Variants in UBP1 observed in about 807,000 individuals in gnomAD.
UBP1 encodes upstream-binding protein 1.
Under a neutral mutation model 76.1 loss-of-function variants are expected in UBP1, and 22 were observed. The observed-to-expected ratio is 0.29, with a 90% CI of 0.21 to 0.41. UBP1 has a LOEUF of 0.41. Among genes scored for constraint, UBP1 ranks in the 10% least tolerant of loss-of-function variants. The pLI is 1.00. For synonymous variants in UBP1, 224 were observed against 237.1 expected, an observed-to-expected ratio of 0.94 and a Z score of 0.51; for missense variants, 436 against 668.1, an observed-to-expected ratio of 0.65 and a Z score of 3.83.
Position 33,439,930 on chromosome 3 carries a change from G to C in UBP1, c.-82C>G, listed in dbSNP as rs1356832065. 19 of 1,489,112 alleles carry C rather than the reference G, an allele frequency of 1.3e-5. No homozygotes were observed. Among genetic ancestry groups the C allele is most frequent in the Non-Finnish European group, 1.7e-5 (18 of 1,090,200 alleles). The allele number at this position is 1,489,112 out of a possible 1,614,324, so 92.2% of individuals were successfully genotyped here. A position where few individuals can be genotyped will look rare whatever the true frequency, so the allele number is the denominator to read the frequency against. ...CCGGAGCTCCGCTGGCGCGTCCTGGGGGAGGGCGCGGGTGAAGCCTCCGGA... is the reference window on the plus strand; with the variant it reads ...CCGGAGCTCCGCTGGCGCGTCCTGGCGGAGGGCGCGGGTGAAGCCTCCGGA... On this transcript the variant is annotated 5_prime_UTR_variant, in exon 1 of 16. Transcript: ENST00000283629.
rs548191760 is a variant in UBP1, at chr3:33,440,302, C to T, written c.-454G>A. ...CCTTGACTCCTTGCCCCCGGCCCGC[C>T]CAGGCTCTAGCGCCACACCGCCCCG... On this transcript the variant is annotated 5_prime_UTR_variant, in exon 1 of 16. Coordinates refer to ENST00000283629, the MANE Select transcript of UBP1 (RefSeq NM_014517.5). 2.8e-3 allele frequency: 432 copies of T among 153,754 alleles called. 1 individual carries two copies. Among genetic ancestry groups the T allele is most frequent in the Middle Eastern group, 6.7e-3 (2 of 300 alleles). 9.5% of individuals were successfully genotyped at this position (153,754 alleles called of 1,614,324 possible). A position where few individuals can be genotyped will look rare whatever the true frequency, so the allele number is the denominator to read the frequency against.
At chr3:33,438,838 A>G (rs1283902121) in intron 1 of UBP1, among the ~76,000 whole-genome samples, 2 of 152,244 alleles carry the variant, frequency 1.3e-5, no homozygotes, top group Admixed American at 6.5e-5. Flanking sequence ...GGGAAACTGT[A>G]GAGCACTTCC....
At chr3:33,428,469 C>CT (rs200930631) in intron 1 of UBP1, among the ~76,000 whole-genome samples, 47 of 123,192 alleles carry the variant, frequency 3.8e-4, no homozygotes, top group African/African-American at 1.3e-3. Flanking sequence ...ATGAGAATGG[C>CT]TTTTTTTAAT....
intron 8 of UBP1, among the ~76,000 whole-genome samples, chr3:33,405,012 G>A (rs1447031760): frequency 6.6e-6 from 1 of 151,918 alleles, no homozygotes; most frequent in Non-Finnish European, 1.5e-5. Context: ...TGATAAATTG[G>A]TACTAATAAG....
chr3:33,432,605 T>C (rs1441946816), intron 1 of UBP1, among the ~76,000 whole-genome samples: 1 of 152,184 alleles, frequency 6.6e-6, no homozygotes, highest in Non-Finnish European at 1.5e-5. Context: ...CATTCACAAG[T>C]GTGTCTCATC....
chr3:33,409,727 A>G (rs1027093931), intron 5 of UBP1, 126 bp from the exon 6 acceptor site: 5 of 1,193,338 alleles, frequency 4.2e-6, no homozygotes, highest in Non-Finnish European at 5.9e-6. Flanking sequence ...CTCATCACAC[A>G]TATTAGCCAA....
intron 1 of UBP1, among the ~76,000 whole-genome samples, chr3:33,432,579 TTTCAAGGCTAAATAGCA>T (rs1202979852): frequency 1.3e-5 from 2 of 152,220 alleles, no homozygotes; most frequent in Non-Finnish European, 2.9e-5. Flanking sequence ...TAAGAGATCC[TTTCAAGGCTAAATAGCA>T]TTCACAAGTG....
chr3:33,436,919 A>G (rs2045213220), intron 1 of UBP1, among the ~76,000 whole-genome samples: 1 of 152,160 alleles, frequency 6.6e-6, no homozygotes, highest in Non-Finnish European at 1.5e-5. Context: ...GGAGTGGTCT[A>G]GACTCTAAAA....
At chr3:33,402,668 A>G (rs2044272685) in intron 9 of UBP1, 133 bp downstream of exon 9, 1 of 579,706 alleles carries the variant, frequency 1.7e-6, no homozygotes, top group South Asian at 3.9e-5. Context: ...TGCCACCAAG[A>G]TACAGGATAC....
At chr3:33,408,617 G>A in intron 8 of UBP1, 73 bp downstream of exon 8, 11 of 1,256,200 alleles carry the variant, frequency 8.8e-6, no homozygotes, top group Non-Finnish European at 1.2e-5. Context: ...TTACTTTGCG[G>A]TGGAAGTTGG....
In UBP1 at chr3:33,430,893, A is replaced by AT. The variant is rs2045101749; in HGVS notation, c.114-5153dup. 2.6e-5 allele frequency among the ~76,000 whole-genome samples: 4 copies of AT among 152,214 alleles called. No individual in the cohort carries two copies. The South Asian group carries it at 8.3e-4, about 32-fold the overall frequency. On this transcript the variant is annotated intron_variant, in intron 1 of 15. Coordinates refer to ENST00000283629, the MANE Select transcript of UBP1 (RefSeq NM_014517.5). Reference sequence around the variant, plus strand: ...CACTAAATCCCTCTCTGCTTGAGACATCTCACTGATTTCTATTTTCCTGAC... The same window carrying AT: ...CACTAAATCCCTCTCTGCTTGAGACATTCTCACTGATTTCTATTTTCCTGAC...
chr3:33,421,821 G>A (rs2044902257), intron 2 of UBP1, among the ~76,000 whole-genome samples: 1 of 152,154 alleles, frequency 6.6e-6, no homozygotes. Flanking sequence ...GGCCAAGGTG[G>A]GTGGATCACT....
At chr3:33,410,245 C>A (rs1368002817) in intron 5 of UBP1, among the ~76,000 whole-genome samples, 1 of 152,208 alleles carries the variant, frequency 6.6e-6, no homozygotes, top group African/African-American at 2.4e-5. Context: ...TGGATGACAG[C>A]CTTAGGGTTT....
chr3:33,426,680 G>T (rs1245358173), intron 1 of UBP1, among the ~76,000 whole-genome samples: 1 of 152,130 alleles, frequency 6.6e-6, no homozygotes, highest in African/African-American at 2.4e-5. Flanking sequence ...GGAATCATAT[G>T]ACTATGTGGT....
At chr3:33,436,233 G>C (rs1342833456) in intron 1 of UBP1, among the ~76,000 whole-genome samples, 1 of 152,108 alleles carries the variant, frequency 6.6e-6, no homozygotes, top group Non-Finnish European at 1.5e-5. Context: ...ATTAACAAAC[G>C]TATTACCTCA....
intron 8 of UBP1, 39 bp downstream of exon 8, chr3:33,408,651 G>A: frequency 6.4e-7 from 1 of 1,564,058 alleles, no homozygotes; most frequent in Middle Eastern, 1.7e-4. Flanking sequence ...ACTGCACAAG[G>A]TTTCTTGCAC....
At chr3:33,406,715 G>A (rs913057942) in intron 8 of UBP1, among the ~76,000 whole-genome samples, 6 of 152,178 alleles carry the variant, frequency 3.9e-5, no homozygotes, top group Non-Finnish European at 8.8e-5. Context: ...TCATAACGGC[G>A]CTAGCAATGC....
intron 2 of UBP1, among the ~76,000 whole-genome samples, chr3:33,421,205 C>G (rs1474673210): frequency 5.3e-5 from 8 of 151,520 alleles, no homozygotes; most frequent in Non-Finnish European, 1.0e-4. Flanking sequence ...TTTGGGACTA[C>G]AGTTTTTACT....
At chr3:33,441,374 ACTTACTGCCTAAGAATAAGAC>A (rs2045300251), upstream of UBP1, 1 of 152,286 alleles carries the variant, frequency 6.6e-6, no homozygotes, top group South Asian at 2.1e-4. Flanking sequence ...CCTGCATCGA[ACTTACTGCCTAAGAATAAGAC>A]CCAAATGCTG....
Sources: gnomAD v4.1 joint callset for allele counts (sites outside exome capture counted in the v4.1 genomes callset) on GRCh38, gnomAD v4.1.1 for gene constraint, MANE v1.5 for transcripts, NCBI Gene and HGNC (gene_info 2026-07-23, HGNC 2026-07-21) for gene names.